The following ASS1 variants were observed in gnomAD, a reference collection of about 807,000 sequenced individuals.
ASS1 encodes argininosuccinate synthase 1.
In ASS1, 58 loss-of-function variants were observed where a neutral mutation model predicts 60.5. The ratio of observed to expected loss-of-function variants is 0.96; its 90% CI spans 0.78 to 1.19. ASS1 has a LOEUF of 1.19. Among genes scored for constraint, ASS1 ranks in the 50% most tolerant of loss-of-function variants. ASS1 has a pLI of 0.00. For missense variants in ASS1, 454 were observed against 547.3 expected, an observed-to-expected ratio of 0.83 and a Z score of 1.70; for synonymous variants, 200 against 206.9, an observed-to-expected ratio of 0.97 and a Z score of 0.29.
chr9:130,457,440 C>T (rs539030317), intron 3 of ASS1, among the ~76,000 whole-genome samples: 53 of 152,088 alleles, frequency 3.5e-4, no homozygotes, highest in Non-Finnish European at 6.6e-4. Flanking sequence ...CACTGCACTC[C>T]AGTCTGGATG....
intron 4 of ASS1, among the ~76,000 whole-genome samples, chr9:130,462,631 G>T (rs1845627868): frequency 6.6e-6 from 1 of 152,196 alleles, no homozygotes. Context: ...ACATGAAGCT[G>T]TGGGGGAAAA....
At chr9:130,463,061 G>A (rs568588450) in intron 4 of ASS1, among the ~76,000 whole-genome samples, 21 of 152,378 alleles carry the variant, frequency 1.4e-4, no homozygotes, top group African/African-American at 3.6e-4. Context: ...GGCCTGTGCC[G>A]CACACACAGC....
intron 1 of ASS1, among the ~76,000 whole-genome samples, chr9:130,450,756 CAG>C: frequency 6.6e-6 from 1 of 152,326 alleles, no homozygotes; most frequent in Middle Eastern, 3.4e-3. Context: ...TCCAGGCACA[CAG>C]AGAGTGCTCA....
chr9:130,466,788 G>T lies in ASS1; in HGVS notation c.484G>T (p.Glu162Ter). Residue 162 changes from glutamate (E) to a stop codon, truncating the protein, a stop_gained, in exon 6 of 15, where the codon GAG (glutamate) becomes TAG (stop). Coordinates refer to ENST00000352480, the MANE Select transcript of ASS1 (RefSeq NM_054012.4). LOFTEE classifies it high-confidence loss of function. Reference protein sequence around the residue: ...NRFKGRNDLMEYAKQHGIPIP... With the variant: ...NRFKGRNDLM ...GTTCAAGGGCCGCAATGACCTGATG[G>T]AGTACGCAAAGGTATGGCCGAGTCT... The T allele has an allele frequency of 6.2e-7, 1 of 1,614,110 alleles. No individual in the cohort carries two copies. The highest frequency in any genetic ancestry group is 8.5e-7 in the Non-Finnish European group (1 of 1,180,012).
At chr9:130,447,986 G>T (rs1231974472) in intron 1 of ASS1, among the ~76,000 whole-genome samples, 1 of 152,004 alleles carries the variant, frequency 6.6e-6, no homozygotes, top group Non-Finnish European at 1.5e-5. Flanking sequence ...GAGCAGTTAT[G>T]CTAGAGAGCT....
At chr9:130,449,344 A>G (rs1845273371) in intron 1 of ASS1, among the ~76,000 whole-genome samples, 1 of 80,524 alleles carries the variant, frequency 1.2e-5, no homozygotes, top group Non-Finnish European at 2.5e-5. Flanking sequence ...CCCTGTCTGA[A>G]AAAAAAAAAA....
intron 11 of ASS1, among the ~76,000 whole-genome samples, chr9:130,484,961 C>G (rs1258769297): frequency 1.3e-5 from 2 of 152,188 alleles, no homozygotes; most frequent in African/African-American, 4.8e-5. Flanking sequence ...TTCCCCTTGC[C>G]CGTGAGCCCT....
In ASS1 at chr9:130,465,298, C is replaced by T. The variant is rs572143844; in HGVS notation, c.420+1131C>T. ...GCTCCCAAAGTGCTGGGATTACAGG[C>T]GTGAGCCACTGCACCCGGCTGTAGT... On this transcript the variant is annotated intron_variant, in intron 5 of 14. Coordinates refer to ENST00000352480, the MANE Select transcript of ASS1 (RefSeq NM_054012.4). 9.2e-4 allele frequency among the ~76,000 whole-genome samples: 140 copies of T among 151,944 alleles called. 1 individual carries two copies. The highest frequency in any genetic ancestry group is 2.2e-4 in the Non-Finnish European group (15 of 67,990).
intron 8 of ASS1, 103 bp downstream of exon 8, chr9:130,471,618 G>C: frequency 7.0e-7 from 1 of 1,437,530 alleles, no homozygotes; most frequent in South Asian, 1.2e-5. Context: ...GAAATTTCAC[G>C]GGGGCCAGCC....
intron 12 of ASS1, among the ~76,000 whole-genome samples, chr9:130,490,335 C>T (rs774425674): frequency 1.3e-4 from 20 of 151,096 alleles, no homozygotes; most frequent in Non-Finnish European, 2.7e-4. Flanking sequence ...TTATTTGGGA[C>T]GGACTTTCGC....
intron 1 of ASS1, among the ~76,000 whole-genome samples, chr9:130,451,424 T>C (rs1419798792): frequency 6.6e-6 from 1 of 152,074 alleles, no homozygotes; most frequent in East Asian, 1.9e-4. Context: ...ACCTCCACAC[T>C]GGGGGAAGTT....
In ASS1 at chr9:130,475,181, A is replaced by G. The variant is rs375389916; in HGVS notation, c.598-1690A>G. On this transcript the variant is annotated intron_variant, in intron 8 of 14. Coordinates refer to ENST00000352480, the MANE Select transcript of ASS1 (RefSeq NM_054012.4). ...AGCCACAGGCAAATGACCACAGGTG[A>G]GCTTCCAAGGCACTTATGTAGCCCC... Among the ~76,000 whole-genome samples the G allele has an allele frequency of 9.3e-4, 142 of 152,290 alleles. 2 individuals are homozygous for G. The highest frequency in any genetic ancestry group is 3.3e-3 in the African/African-American group (139 of 41,580).
At chr9:130,490,303 TTTTA>T (rs1039187131) in intron 12 of ASS1, among the ~76,000 whole-genome samples, 8 of 152,210 alleles carry the variant, frequency 5.3e-5, no homozygotes, top group African/African-American at 7.2e-5. Flanking sequence ...TACATTTTTA[TTTTA>T]TTTATTTATT....
intron 5 of ASS1, 93 bp from the exon 6 acceptor site, chr9:130,466,632 G>GC: frequency 8.0e-7 from 1 of 1,245,420 alleles, no homozygotes; most frequent in Non-Finnish European, 1.2e-6. Flanking sequence ...ACCCCCATGG[G>GC]CCCCTCCCAG....
In ASS1 at chr9:130,489,486, C is replaced by T; in HGVS notation, c.970+22C>T. The T allele has an allele frequency of 1.2e-6, 2 of 1,613,890 alleles. No homozygotes were observed. Among genetic ancestry groups the T allele is most frequent in the Admixed American group, 1.7e-5 (1 of 60,008 alleles). On this transcript the variant is annotated intron_variant, in intron 12 of 14. Transcript: ENST00000352480. The surrounding 1 kb of genome is among the most constrained non-coding windows in gnomAD (Gnocchi z 4.1). ...ACCGGTGCGTAAGACTCTATGGCTG[C>T]CCCCTCTAACCGCCTCACAAGGGAT...
rs1845669418 is a variant in ASS1, at chr9:130,464,119, T to A, written c.372T>A (p.Asp124Glu). 1 of 1,613,952 alleles carries A rather than the reference T, an allele frequency of 6.2e-7. No individual in the cohort carries two copies. The highest frequency in any genetic ancestry group is 1.1e-5 in the South Asian group (1 of 91,080). ...TCTGTTCTGCATTGCAGGGGAACGA[T>A]CAGGTCCGGTTTGAGCTCAGCTGCT... Reference protein sequence around the residue: ...VSHGATGKGNDQVRFELSCYS... With the variant: ...VSHGATGKGNEQVRFELSCYS... Residue 124 changes from aspartate (D) to glutamate (E), a missense_variant, in exon 5 of 15, where the codon GAT (aspartate) becomes GAA (glutamate). Physicochemically the swap from Asp to Glu is conservative, Grantham distance 45 (BLOSUM62 2). Coordinates refer to ENST00000352480, the MANE Select transcript of ASS1 (RefSeq NM_054012.4).
intron 5 of ASS1, among the ~76,000 whole-genome samples, chr9:130,466,010 C>T (rs1462577645): frequency 6.6e-6 from 1 of 152,198 alleles, no homozygotes; most frequent in Non-Finnish European, 1.5e-5. Context: ...GTGGTCTTCC[C>T]ATGGCTGCTC....
At chr9:130,454,194 T>C in intron 2 of ASS1, 111 bp from the exon 3 acceptor site, 2 of 1,099,208 alleles carry the variant, frequency 1.8e-6, no homozygotes, top group Non-Finnish European at 2.7e-6. Context: ...GACTTGGCCA[T>C]GGAATGGAAG....
intron 11 of ASS1, among the ~76,000 whole-genome samples, chr9:130,484,314 T>TA (rs1690166976): frequency 6.6e-6 from 1 of 152,192 alleles, no homozygotes; most frequent in Non-Finnish European, 1.5e-5. Flanking sequence ...TCATTCTGCC[T>TA]AACCTGGCAG....
Sources: allele counts gnomAD v4.1 joint callset (sites outside exome capture counted in the v4.1 genomes callset), GRCh38; gene constraint gnomAD v4.1.1; non-coding constraint Gnocchi (gnomAD v3.1); transcripts MANE v1.5; gene names NCBI Gene and HGNC (gene_info 2026-07-23, HGNC 2026-07-21).